DGKB: variants seen among roughly 807,000 people sequenced by gnomAD.
The protein encoded by DGKB is 90 kDa diacylglycerol kinase.
DGKB carries 67 observed loss-of-function variants against 114.3 expected under a neutral mutation model. The ratio of observed to expected loss-of-function variants is 0.59; its 90% CI spans 0.48 to 0.72. DGKB has a LOEUF of 0.72. Among genes scored for constraint, DGKB ranks in the 30% least tolerant of loss-of-function variants. The pLI, the probability that DGKB is intolerant of heterozygous loss-of-function variation, is 0.00. For synonymous variants in DGKB, 398 were observed against 323.1 expected (o/e 1.23, Z -2.49); for missense variants, 907 against 975.2 (o/e 0.93, Z 0.93).
chr7:14,528,521 A>C (rs1281699589), intron 20 of DGKB, among the ~76,000 whole-genome samples: 1 of 152,112 alleles, frequency 6.6e-6, no homozygotes, highest in African/African-American at 2.4e-5. Flanking sequence ...TGCAAGTAAC[A>C]TGGTGATTAG....
At chr7:14,205,266 G>T (rs1404628082) in intron 23 of DGKB, among the ~76,000 whole-genome samples, 43 of 152,000 alleles carry the variant, frequency 2.8e-4, no homozygotes, top group Admixed American at 2.0e-3. Flanking sequence ...TCTTTCAACT[G>T]ATAATGTCTT....
chr7:14,365,155 A>C (rs1228426417), intron 21 of DGKB, among the ~76,000 whole-genome samples: 1 of 151,688 alleles, frequency 6.6e-6, no homozygotes, highest in African/African-American at 2.4e-5. Context: ...TGTCCTTATA[A>C]GTACTTGATA....
intron 3 of DGKB, among the ~76,000 whole-genome samples, chr7:14,755,543 A>T (rs1834749351): frequency 6.6e-6 from 1 of 152,186 alleles, no homozygotes; most frequent in Non-Finnish European, 1.5e-5. Context: ...ACTAGTCATC[A>T]GTGCAAACAA....
At chr7:14,415,261 T>C (rs1825523187) in intron 21 of DGKB, among the ~76,000 whole-genome samples, 1 of 150,802 alleles carries the variant, frequency 6.6e-6, no homozygotes, top group Non-Finnish European at 1.5e-5. Flanking sequence ...TATATATACA[T>C]ATTTTTAAAT....
chr7:14,465,656 G>A (rs564201185), intron 21 of DGKB, among the ~76,000 whole-genome samples: 58 of 152,278 alleles, frequency 3.8e-4, no homozygotes, highest in African/African-American at 1.3e-3. Context: ...ATTGGGGCAT[G>A]GAGAGAGGAG....
At chr7:14,958,751 A>T (rs766722839) in intron 1 of DGKB, among the ~76,000 whole-genome samples, 3 of 152,020 alleles carry the variant, frequency 2.0e-5, no homozygotes, top group Non-Finnish European at 4.4e-5. Flanking sequence ...TCATAAAGCA[A>T]GTTTCCTGAC....
chr7:14,519,800 T>C (rs1455631789), intron 20 of DGKB, among the ~76,000 whole-genome samples: 1 of 152,006 alleles, frequency 6.6e-6, no homozygotes, highest in Non-Finnish European at 1.5e-5. Context: ...TCTTTAATTA[T>C]TAATAATGTT....
chr7:14,333,201 G>A (rs1268140637), intron 23 of DGKB, among the ~76,000 whole-genome samples: 2 of 152,128 alleles, frequency 1.3e-5, no homozygotes, highest in African/African-American at 4.8e-5. Flanking sequence ...GCTCACACCT[G>A]TAATCTCAGC....
At chr7:14,749,803 T>G (rs1448637554) in intron 4 of DGKB, among the ~76,000 whole-genome samples, 1 of 152,200 alleles carries the variant, frequency 6.6e-6, no homozygotes, top group Non-Finnish European at 1.5e-5. Flanking sequence ...CCTTTGTATA[T>G]ATAATTTCAA....
At chr7:14,167,428 T>A (rs1784770421) in intron 25 of DGKB, among the ~76,000 whole-genome samples, 1 of 151,842 alleles carries the variant, frequency 6.6e-6, no homozygotes, top group Non-Finnish European at 1.5e-5. Flanking sequence ...GAGAAATATA[T>A]GACAAAGTGA....
intron 23 of DGKB, among the ~76,000 whole-genome samples, chr7:14,263,475 G>A (rs1216502747): frequency 6.6e-6 from 1 of 152,140 alleles, no homozygotes; most frequent in Admixed American, 6.6e-5. Context: ...CCTGAAGTAT[G>A]CCATTTTCTC....
At chr7:14,411,332 G>A (rs1037187630) in intron 21 of DGKB, among the ~76,000 whole-genome samples, 18 of 152,094 alleles carry the variant, frequency 1.2e-4, no homozygotes, top group Non-Finnish European at 1.6e-4. Flanking sequence ...CAATGGATTT[G>A]TCAGGACGTA....
intron 13 of DGKB, among the ~76,000 whole-genome samples, chr7:14,636,543 G>A (rs1033455655): frequency 2.6e-5 from 4 of 151,812 alleles, no homozygotes; most frequent in Non-Finnish European, 4.4e-5. Context: ...TACATCCAGT[G>A]TACTAGGAAA....
intron 2 of DGKB, among the ~76,000 whole-genome samples, chr7:14,781,807 A>T (rs1472549787): frequency 1.3e-5 from 2 of 152,284 alleles, no homozygotes; most frequent in Admixed American, 6.5e-5. Context: ...ATATTTCACA[A>T]GTTTATATCC....
At chr7:14,789,548 T>C (rs1278169192) in intron 2 of DGKB, among the ~76,000 whole-genome samples, 2 of 152,132 alleles carry the variant, frequency 1.3e-5, no homozygotes, top group African/African-American at 4.8e-5. Context: ...GAAGTGCTTT[T>C]AAAGATTTGT....
At chr7:14,422,514 T>A (rs1826872616) in intron 21 of DGKB, among the ~76,000 whole-genome samples, 1 of 152,060 alleles carries the variant, frequency 6.6e-6, no homozygotes, top group Admixed American at 6.6e-5. Flanking sequence ...ATTACTCACA[T>A]ACCGCAGCAG....
intron 17 of DGKB, among the ~76,000 whole-genome samples, chr7:14,599,022 T>C (rs1432351815): frequency 1.3e-5 from 2 of 152,306 alleles, no homozygotes; most frequent in East Asian, 1.9e-4. Context: ...TTAAAGAACA[T>C]TGGAAAATAG....
At chr7:14,940,921 G>A (rs1562891054) in intron 1 of DGKB, among the ~76,000 whole-genome samples, 1 of 151,940 alleles carries the variant, frequency 6.6e-6, no homozygotes, top group Non-Finnish European at 1.5e-5. Flanking sequence ...GATATTTACT[G>A]ATTTTTAATA....
At chr7:14,397,328 C>T (rs530739097) in intron 21 of DGKB, among the ~76,000 whole-genome samples, 19 of 152,164 alleles carry the variant, frequency 1.2e-4, no homozygotes, top group Admixed American at 1.2e-3. Context: ...TAGTGGTTGG[C>T]CTACTGTTAA....
Sources: allele counts gnomAD v4.1 joint callset (sites outside exome capture counted in the v4.1 genomes callset), GRCh38; gene constraint gnomAD v4.1.1; transcripts MANE v1.5; gene names NCBI Gene and HGNC (gene_info 2026-07-23, HGNC 2026-07-21).